Variants in RBFOX1 observed in about 807,000 individuals in gnomAD.
RBFOX1 encodes the protein RNA binding fox-1 homolog 1.
In RBFOX1, 8 loss-of-function variants were observed where a neutral mutation model predicts 57.7. The ratio of observed to expected loss-of-function variants is 0.14; its 90% CI spans 0.08 to 0.25. RBFOX1 has a LOEUF of 0.25. Among genes scored for constraint, RBFOX1 ranks in the 10% least tolerant of loss-of-function variants. The pLI is 1.00. For synonymous variants in RBFOX1, 326 were observed against 222.4 expected, an observed-to-expected ratio of 1.47 and a Z score of -4.15; for missense variants, 611 against 548.5, an observed-to-expected ratio of 1.11 and a Z score of -1.14.
intron 4 of RBFOX1, among the ~76,000 whole-genome samples, chr16:7,509,366 A>G (rs1032136233): frequency 1.3e-5 from 2 of 151,664 alleles, no homozygotes; most frequent in African/African-American, 2.4e-5. Context: ...ATTCGTTTAC[A>G]TAATGTGTAC....
At chr16:5,957,014 G>T (rs1307677975) in intron 4 of RBFOX1, among the ~76,000 whole-genome samples, 1 of 151,940 alleles carries the variant, frequency 6.6e-6, no homozygotes, top group African/African-American at 2.4e-5. Context: ...AAACTTGGTA[G>T]CTTGAAATCA....
At position 5,976,842 on chromosome 16, in the gene RBFOX1, C is replaced by G. The variant is rs2060073278; in HGVS notation, c.351+109507C>G. On this transcript the variant is annotated intron_variant, in intron 4 of 19. Transcript: ENST00000641259. ...CAAAATCATGCCACTGCACTTCAGC[C>G]TGGGCAGCAGAGCAAGACTCTGTCA... Among the ~76,000 whole-genome samples the G allele has an allele frequency of 2.0e-5, 3 of 152,162 alleles. No homozygotes were observed. The South Asian group carries it at 6.2e-4, about 31-fold the overall frequency.
chr16:7,221,418 G>C (rs1038877705), intron 4 of RBFOX1, among the ~76,000 whole-genome samples: 11 of 151,346 alleles, frequency 7.3e-5, no homozygotes, highest in African/African-American at 2.7e-4. Context: ...CCAGGATAGA[G>C]TGCAGTGGCC....
chr16:6,975,157 C>A (rs750986584), intron 3 of RBFOX1, among the ~76,000 whole-genome samples: 1 of 152,142 alleles, frequency 6.6e-6, no homozygotes, highest in East Asian at 1.9e-4. Context: ...TGGACTAGCT[C>A]TGTGGGTTCC....
intron 2 of RBFOX1, among the ~76,000 whole-genome samples, chr16:6,652,398 A>T (rs985905792): frequency 2.0e-5 from 3 of 152,042 alleles, no homozygotes; most frequent in African/African-American, 7.2e-5. Flanking sequence ...CAGTGAGCCA[A>T]GATCTCGCCA....
chr16:7,709,656 T>C (rs2083607558), intron 15 of RBFOX1: 3 of 1,519,762 alleles, frequency 2.0e-6, no homozygotes, highest in South Asian at 2.4e-5. Context: ...GGGCACACTT[T>C]GTGTGTGTAC....
chr16:7,370,498 C>G (rs910192025), intron 4 of RBFOX1, among the ~76,000 whole-genome samples: 6 of 152,262 alleles, frequency 3.9e-5, no homozygotes, highest in African/African-American at 9.6e-5. Flanking sequence ...AGTTCTGTCT[C>G]CCTCACTTTC....
In RBFOX1 at chr16:5,253,647, A is replaced by G. The variant is rs199646028; in HGVS notation, c.219+13542A>G. ...ATGAGCCTCATCCTGTGCTTTTAGG[A>G]GATAGTTTCTATTTAGTCATTGCTG... On this transcript the variant is annotated intron_variant, in intron 1 of 2. Transcript: ENST00000585867. Among the ~76,000 whole-genome samples the G allele has an allele frequency of 1.1e-4, 17 of 152,198 alleles. No homozygotes were observed. The East Asian group carries it at 3.3e-3, about 29-fold the overall frequency.
chr16:7,470,687 A>T (rs971041736), intron 4 of RBFOX1, among the ~76,000 whole-genome samples: 1 of 152,046 alleles, frequency 6.6e-6, no homozygotes, highest in Non-Finnish European at 1.5e-5. Flanking sequence ...TAGATGGAAG[A>T]GTGGATGAAT....
intron 3 of RBFOX1, among the ~76,000 whole-genome samples, chr16:5,720,429 G>C (rs2342725): frequency 5.3e-5 from 8 of 152,084 alleles, no homozygotes; most frequent in Non-Finnish European, 7.4e-5. Flanking sequence ...TCAGCATAAA[G>C]TTTTAAATTT....
At chr16:6,738,836 G>A (rs1273266697) in intron 3 of RBFOX1, among the ~76,000 whole-genome samples, 2 of 151,960 alleles carry the variant, frequency 1.3e-5, no homozygotes, top group Non-Finnish European at 2.9e-5. Flanking sequence ...AAAGAGAACA[G>A]GAAAAAATCC....
At chr16:6,055,951 A>C (rs918945573) in intron 1 of RBFOX1, among the ~76,000 whole-genome samples, 33 of 152,136 alleles carry the variant, frequency 2.2e-4, no homozygotes, top group African/African-American at 7.7e-4. Context: ...TTCTTTCCTA[A>C]TATATGAAAT....
At chr16:6,408,940 T>C (rs1302384778) in intron 2 of RBFOX1, among the ~76,000 whole-genome samples, 3 of 152,204 alleles carry the variant, frequency 2.0e-5, no homozygotes, top group Non-Finnish European at 4.4e-5. Context: ...TTTCTTTTGG[T>C]GTCGTTTTAC....
intron 1 of RBFOX1, among the ~76,000 whole-genome samples, chr16:6,262,862 C>T (rs890264509): frequency 6.6e-5 from 10 of 152,100 alleles, no homozygotes; most frequent in Admixed American, 1.3e-4. Context: ...CATCTCACAA[C>T]CCTCATGGAA....
rs114558061 is a variant in RBFOX1, at chr16:7,531,658, C to T, written c.270+13269C>T. ...AATAGGTGTGATCATACCACGATTA[C>T]GGATGAGGGAACTGAGGCACAGGTA... On this transcript the variant is annotated intron_variant, in intron 5 of 15. Coordinates refer to ENST00000550418, the MANE Select transcript of RBFOX1 (RefSeq NM_018723.4). Among the ~76,000 whole-genome samples, 148 of 152,218 alleles carry T rather than the reference C, an allele frequency of 9.7e-4. 1 individual carries two copies. The highest frequency in any genetic ancestry group is 3.4e-3 in the African/African-American group (140 of 41,540).
intron 3 of RBFOX1, among the ~76,000 whole-genome samples, chr16:7,033,932 G>T (rs182467930): frequency 6.6e-6 from 1 of 152,324 alleles, no homozygotes; most frequent in Admixed American, 6.5e-5. Flanking sequence ...TTGCACTGCT[G>T]CATTTCAGGC....
intron 1 of RBFOX1, among the ~76,000 whole-genome samples, chr16:6,123,147 C>A (rs1322384789): frequency 6.6e-6 from 1 of 152,134 alleles, no homozygotes; most frequent in Non-Finnish European, 1.5e-5. Context: ...ATTTCCATTC[C>A]TATGAATACA....
intron 4 of RBFOX1, among the ~76,000 whole-genome samples, chr16:7,146,214 T>A (rs991447155): frequency 2.2e-5 from 2 of 90,938 alleles, no homozygotes; most frequent in African/African-American, 3.9e-5. Flanking sequence ...TTTCCCATGA[T>A]ACTGGGCCTC....
chr16:7,672,864 T>TGAAAAA (rs1568390861), intron 13 of RBFOX1, among the ~76,000 whole-genome samples: 1 of 684 alleles, frequency 1.5e-3, no homozygotes, highest in Non-Finnish European at 2.9e-3. Context: ...AGACTCCATC[T>TGAAAAA]CAAAAAAAAA....
Sources: gnomAD v4.1 joint callset for allele counts (sites outside exome capture counted in the v4.1 genomes callset) on GRCh38, gnomAD v4.1.1 for gene constraint, MANE v1.5 for transcripts, NCBI Gene and HGNC (gene_info 2026-07-23, HGNC 2026-07-21) for gene names.